KRT13: variants seen among roughly 807,000 people sequenced by gnomAD.
The protein encoded by KRT13 is keratin, type I cytoskeletal 13.
In KRT13, 27 loss-of-function variants were observed where a neutral mutation model predicts 40.6. The ratio of observed to expected loss-of-function variants is 0.67; its 90% CI spans 0.49 to 0.92. The LOEUF (loss-of-function observed/expected upper bound fraction) is 0.92. Ranked by LOEUF, KRT13 falls within the 40% of genes least tolerant of loss-of-function variation. KRT13 has a pLI of 0.00. For synonymous variants in KRT13, 266 were observed against 240.3 expected (o/e 1.11, Z -0.99); for missense variants, 605 against 611.5 (o/e 0.99, Z 0.11).
intron 2 of KRT13, 96 bp downstream of exon 2, chr17:41,503,547 A>G (rs1187594125): frequency 3.9e-6 from 6 of 1,527,204 alleles, no homozygotes; most frequent in Non-Finnish European, 4.5e-6. Flanking sequence ...CCAGACCTTC[A>G]CTCCTGGGAT....
At position 41,505,111 on chromosome 17, in the gene KRT13, C is replaced by T; in HGVS notation, c.440G>A (p.Ser147Asn). The change falls in exon 1 of 8, where the codon AGC becomes AAC. Residue 147 changes from serine to asparagine, a missense_variant. Transcript: ENST00000246635. ...GTAGGGGCTGTAGTCCCGCTCAGGGCTAGCTGGGCTCTGCTTCAGGTGCCA... is the reference window on the plus strand; with the variant it reads ...GTAGGGGCTGTAGTCCCGCTCAGGGTTAGCTGGGCTCTGCTTCAGGTGCCA... ...RDWHLKQSPA[S>N]PERDYSPYYK... is the part of the protein sequence containing the mutation. 6.2e-7 allele frequency: 1 copy of T among 1,614,242 alleles called. No homozygotes were observed. The highest frequency in any genetic ancestry group is 8.5e-7 in the Non-Finnish European group (1 of 1,180,036).
Position 41,501,127 on chromosome 17 carries a change from A to AG in KRT13, c.*128dup. On this transcript the variant is annotated 3_prime_UTR_variant, in exon 8 of 8. Coordinates refer to ENST00000246635, the MANE Select transcript of KRT13 (RefSeq NM_153490.3). Reference sequence around the variant, plus strand: ...GAGGGCCCACCATCAGGAGAGAGTCAGGACAGGGGGTCCTGAGAGCAGAGG... The same window carrying AG: ...GAGGGCCCACCATCAGGAGAGAGTCAGGGACAGGGGGTCCTGAGAGCAGAGG... The AG allele has an allele frequency of 1.5e-6, 1 of 677,872 alleles. No homozygotes were observed. Among genetic ancestry groups the AG allele is most frequent in the Non-Finnish European group, 2.7e-6 (1 of 369,830 alleles). The allele number at this position is 677,872 out of a possible 1,614,324, so 42.0% of individuals were successfully genotyped here. A position where few individuals can be genotyped will look rare whatever the true frequency, so the allele number is the denominator to read the frequency against.
At chr17:41,501,438 C>T (rs763163367) in intron 7 of KRT13, 76 bp from the exon 8 acceptor site, 198 of 1,228,338 alleles carry the variant, frequency 1.6e-4, no homozygotes, top group Middle Eastern at 3.7e-4. Context: ...CCCTGGAGGG[C>T]TCACAAACTC....
rs1265435884 is a variant in KRT13 at position 41,502,398 on chromosome 17, C to T, written c.1220G>A (p.Ser407Asn). 11 of 1,614,110 alleles carry T rather than the reference C, an allele frequency of 6.8e-6. No individual in the cohort carries two copies. The highest frequency in any genetic ancestry group is 9.3e-6 in the Non-Finnish European group (11 of 1,180,052). The change falls in exon 6 of 8, where the codon AGC becomes AAC. Residue 407 changes from serine (S) to asparagine (N), a missense_variant. Coordinates refer to ENST00000246635, the MANE Select transcript of KRT13 (RefSeq NM_153490.3). ...CTTGGCGTCCTGGCCCTCGAGCAGG[C>T]TGCGGTAGGTGGCGATCTCCTGCTC... ...RLEQEIATYR[S>N]LLEGQDAKMI...
rs780811887 is a variant in KRT13 at position 41,502,365 on chromosome 17, A to T, written c.1244+9T>A. The stretch of plus-strand genomic sequence containing the variant: ...CACTATCCTAAGAAAGAGGCTGGAG[A>T]GGACCTACTTGGCGTCCTGGCCCTC... On this transcript the variant is annotated intron_variant, in intron 6 of 7. Transcript: ENST00000246635. The T allele has an allele frequency of 6.2e-7, 1 of 1,614,110 alleles. No individual in the cohort carries two copies. Among genetic ancestry groups the T allele is most frequent in the South Asian group, 1.1e-5 (1 of 91,088 alleles).
chr17:41,503,287 C>T lies in KRT13; in HGVS notation c.735G>A (p.Glu245=), dbSNP rs2144505172. 1 of 1,614,156 alleles carries T rather than the reference C, an allele frequency of 6.2e-7. No individual in the cohort carries two copies. The highest frequency in any genetic ancestry group is 8.5e-7 in the Non-Finnish European group (1 of 1,180,018). ...AGGGCAGCCTGCAATTCCCGCTCAC[C>T]TCTTCATGGTTCTTCTTCATGTAGG... ...ELAYMKKNHE[E]EMKEFSNQVV... is the part of the protein sequence containing the mutation. The change falls in exon 3 of 8, where the codon GAG becomes GAA. Residue 245 remains glutamate, a splice_region_variant and synonymous_variant. Transcript: ENST00000246635.
chr17:41,502,473 T>A lies in KRT13; in HGVS notation c.1145A>T (p.Glu382Val). Residue 382 changes from glutamate (E) to valine (V), a missense_variant, in exon 6 of 8, where the codon GAG (glutamate) becomes GTG (valine). Transcript: ENST00000246635. ...AQLSELRSEM[E>V]CQNQEYKMLL... Reference sequence around the variant, plus strand: ...CATCTTGTACTCTTGGTTCTGGCACTCCATCTCACTGCGGAGCTCGCTCAG... The same window carrying A: ...CATCTTGTACTCTTGGTTCTGGCACACCATCTCACTGCGGAGCTCGCTCAG... 1 of 1,614,240 alleles carries A rather than the reference T, an allele frequency of 6.2e-7. No homozygotes were observed. The highest frequency in any genetic ancestry group is 1.6e-4 in the Middle Eastern group (1 of 6,062).
In KRT13 at chr17:41,501,226, G is replaced by C; in HGVS notation, c.*30C>G. 1 of 1,477,542 alleles carries C rather than the reference G, an allele frequency of 6.8e-7. No individual in the cohort carries two copies. The highest frequency in any genetic ancestry group is 2.0e-5 in the Admixed American group (1 of 50,678). 91.5% of individuals were successfully genotyped at this position (1,477,542 alleles called of 1,614,324 possible). On this transcript the variant is annotated 3_prime_UTR_variant, in exon 8 of 8. Transcript: ENST00000246635. ...CCGGCTCTCTCCTCCTCTGGGTGCTGAAGACAGAGGGAGGGGACGCCAGGC... is the reference window on the plus strand; with the variant it reads ...CCGGCTCTCTCCTCCTCTGGGTGCTCAAGACAGAGGGAGGGGACGCCAGGC...
chr17:41,501,775 A>C (rs772226938), intron 6 of KRT13, 31 bp from the exon 7 acceptor site: 29 of 1,590,480 alleles, frequency 1.8e-5, no homozygotes, highest in Non-Finnish European at 2.1e-5. Context: ...GGCCATGAGC[A>C]GAGGGTAACT....
At position 41,505,406 on chromosome 17, in the gene KRT13, C is replaced by A; in HGVS notation, c.145G>T (p.Val49Leu). Reference sequence around the variant, plus strand: ...GCCCCTCCACCAAAACCACAGCTCACGCCGCCTCCATAGCCCCCAGCTGAT... The same window carrying A: ...GCCCCTCCACCAAAACCACAGCTCAAGCCGCCTCCATAGCCCCCAGCTGAT... ...GGSAGGYGGG[V>L]SCGFGGGAGS... The change falls in exon 1 of 8, where the codon GTG becomes TTG. Residue 49 changes from valine to leucine, a missense_variant. Val to Leu is a conservative substitution (Grantham distance 32). Coordinates refer to ENST00000246635, the MANE Select transcript of KRT13 (RefSeq NM_153490.3). 1 of 1,613,134 alleles carries A rather than the reference C, an allele frequency of 6.2e-7. No homozygotes were observed. The highest frequency in any genetic ancestry group is 8.5e-7 in the Non-Finnish European group (1 of 1,179,194).
chr17:41,503,609 G>T, intron 2 of KRT13, 34 bp downstream of exon 2: 1 of 1,591,312 alleles, frequency 6.3e-7, no homozygotes, highest in Non-Finnish European at 8.6e-7. Flanking sequence ...GAGACTCCTG[G>T]GAAAGGAGAG....
Position 41,505,602 on chromosome 17 carries a change from C to T in KRT13, c.-52G>A. 1 of 1,610,826 alleles carries T rather than the reference C, an allele frequency of 6.2e-7. No homozygotes were observed. Among genetic ancestry groups the T allele is most frequent in the Non-Finnish European group, 8.5e-7 (1 of 1,179,506 alleles). Reference sequence around the variant, plus strand: ...CAGATAGAAGCTTGCTTGGCCTGGGCCGAGGACTGTGGCTCTTCCCCAGAG... The same window carrying T: ...CAGATAGAAGCTTGCTTGGCCTGGGTCGAGGACTGTGGCTCTTCCCCAGAG... On this transcript the variant is annotated 5_prime_UTR_variant, in exon 1 of 8. Coordinates refer to ENST00000246635, the MANE Select transcript of KRT13 (RefSeq NM_153490.3).
chr17:41,501,790 G>A (rs1463951083), intron 6 of KRT13, 46 bp from the exon 7 acceptor site: 13 of 1,579,430 alleles, frequency 8.2e-6, no homozygotes, highest in African/African-American at 1.3e-5. Context: ...GTAACTGAGG[G>A]CAGGTGCTTA....
chr17:41,505,601 G>C lies in KRT13; in HGVS notation c.-51C>G, dbSNP rs1249743701. The C allele has an allele frequency of 1.9e-6, 3 of 1,610,768 alleles. No homozygotes were observed. The highest frequency in any genetic ancestry group is 2.7e-5 in the African/African-American group (2 of 74,936). On this transcript the variant is annotated 5_prime_UTR_variant, in exon 1 of 8. Transcript: ENST00000246635. ...GCAGATAGAAGCTTGCTTGGCCTGG[G>C]CCGAGGACTGTGGCTCTTCCCCAGA...
At chr17:41,502,881 C>A in intron 4 of KRT13, 56 bp downstream of exon 4, 1 of 1,614,124 alleles carries the variant, frequency 6.2e-7, no homozygotes, top group Non-Finnish European at 8.5e-7. Context: ...AGGCTGTGTC[C>A]GCCCGGCCCC....
chr17:41,505,508 C>T lies in KRT13; in HGVS notation c.43G>A (p.Gly15Ser), dbSNP rs774022235. 6.2e-7 allele frequency: 1 copy of T among 1,614,154 alleles called. No individual in the cohort carries two copies. The highest frequency in any genetic ancestry group is 1.3e-5 in the African/African-American group (1 of 74,952). ...AGCTGGCAAGAGCCACCCCCGAAACCACCTCCATAGCTGGCAGAGGAGCTC... is the reference window on the plus strand; with the variant it reads ...AGCTGGCAAGAGCCACCCCCGAAACTACCTCCATAGCTGGCAGAGGAGCTC... ...LQSSSASYGG[G>S]FGGGSCQLGG... Residue 15 changes from glycine (G) to serine (S), a missense_variant, in exon 1 of 8, where the codon GGT becomes AGT. Transcript: ENST00000246635.
intron 7 of KRT13, 141 bp from the exon 8 acceptor site, chr17:41,501,503 T>A: frequency 9.1e-7 from 1 of 1,099,336 alleles, no homozygotes; most frequent in Non-Finnish European, 1.3e-6. Flanking sequence ...CAAAGATGGC[T>A]CTTCCCAAGA....
chr17:41,502,221 A>G, intron 6 of KRT13, 153 bp downstream of exon 6: 1 of 1,564,800 alleles, frequency 6.4e-7, no homozygotes. Context: ...AAAGGTGTTA[A>G]CCCTGCAGCC....
chr17:41,505,489 C>T lies in KRT13; in HGVS notation c.62G>A (p.Cys21Tyr), dbSNP rs771244979. 7 of 1,614,250 alleles carry T rather than the reference C, an allele frequency of 4.3e-6. No homozygotes were observed. The highest frequency in any genetic ancestry group is 5.9e-6 in the Non-Finnish European group (7 of 1,180,048). Reference protein sequence around the residue: ...SYGGGFGGGSCQLGGGRGVST... With the variant: ...SYGGGFGGGSYQLGGGRGVST... ...GACACCACGGCCTCCTCCCAGCTGG[C>T]AAGAGCCACCCCCGAAACCACCTCC... The change falls in exon 1 of 8, where the codon TGC becomes TAC. Residue 21 changes from cysteine to tyrosine, a missense_variant. Transcript: ENST00000246635.
Sources: allele counts gnomAD v4.1 joint callset, GRCh38; gene constraint gnomAD v4.1.1; transcripts MANE v1.5; gene names NCBI Gene and HGNC (gene_info 2026-07-23, HGNC 2026-07-21).